The following ACTN4 variants were observed in gnomAD, a reference collection of about 807,000 sequenced individuals.
ACTN4 encodes alpha-actinin-4.
A neutral mutation model predicts 114.2 loss-of-function variants in ACTN4; 18 were observed. That is an observed-to-expected ratio of 0.16 (90% CI 0.11 to 0.23). The LOEUF (loss-of-function observed/expected upper bound fraction) is 0.23. Ranked by LOEUF, ACTN4 falls within the 10% of genes least tolerant of loss-of-function variation. ACTN4 has a pLI of 1.00. For missense variants in ACTN4, 722 were observed against 1,262.9 expected (o/e 0.57, Z 6.49); for synonymous variants, 515 against 506.3 (o/e 1.02, Z -0.23).
chr19:38,703,734 A>T (rs909870902), intron 3 of ACTN4, among the ~76,000 whole-genome samples: 2 of 152,224 alleles, frequency 1.3e-5, no homozygotes, highest in East Asian at 1.9e-4. Flanking sequence ...CCCGACCAAC[A>T]TGTGATTTCA....
At chr19:38,676,577 C>T (rs1251525585) in intron 1 of ACTN4, among the ~76,000 whole-genome samples, 1 of 152,216 alleles carries the variant, frequency 6.6e-6, no homozygotes, top group Non-Finnish European at 1.5e-5. Context: ...ATGTGTCCTT[C>T]CCTCTGGGAA....
In ACTN4 at chr19:38,731,486, T is replaced by G. The variant is rs1006852132; in HGVS notation, c.*2054T>G. ...GGACAGCGTCTGACACGTGACTCGA[T>G]GTGTGGGTACTGTTACTCCTTAAAT... On this transcript the variant is annotated 3_prime_UTR_variant, in exon 21 of 21. Transcript: ENST00000252699. 6.6e-5 allele frequency: 35 copies of G among 533,136 alleles called. 1 individual carries two copies. The Admixed American group carries it at 7.5e-4, about 11-fold the overall frequency. 33.0% of individuals were successfully genotyped at this position (533,136 alleles called of 1,614,324 possible).
chr19:38,673,456 C>CATATATATTTATATATATTT (rs1398437848), intron 1 of ACTN4, among the ~76,000 whole-genome samples: 6 of 71,746 alleles, frequency 8.4e-5, no homozygotes, highest in African/African-American at 1.9e-4. Flanking sequence ...TATATATATT[C>CATATATATTTATATATATTT]ATATATATTT....
At chr19:38,652,012 G>A (rs774569277) in intron 1 of ACTN4, among the ~76,000 whole-genome samples, 32 of 152,148 alleles carry the variant, frequency 2.1e-4, no homozygotes, top group Admixed American at 5.9e-4. Flanking sequence ...GGGATTACAG[G>A]CGTGAGCCAC....
rs527549295 is a variant in ACTN4 at position 38,719,292 on chromosome 19, C to T, written c.1291+1218C>T. On this transcript the variant is annotated intron_variant, in intron 11 of 20. Coordinates refer to ENST00000252699, the MANE Select transcript of ACTN4 (RefSeq NM_004924.6). ...AACACAGTCTCCCTGGCCCTCCGGC[C>T]GCCACTCCGCCCAGCTGAGCCCTTC... is the stretch of plus-strand genomic sequence containing the variant. Among the ~76,000 whole-genome samples the T allele has an allele frequency of 9.8e-5, 15 of 152,366 alleles. No homozygotes were observed. In the East Asian group the frequency reaches 2.7e-3, roughly 27 times the overall value.
intron 1 of ACTN4, among the ~76,000 whole-genome samples, chr19:38,666,448 C>T (rs1334713621): frequency 2.6e-5 from 4 of 152,140 alleles, no homozygotes; most frequent in Non-Finnish European, 5.9e-5. Flanking sequence ...ACCCGGTTTG[C>T]GCTTTCCTGA....
intron 12 of ACTN4, among the ~76,000 whole-genome samples, chr19:38,722,127 C>T (rs535808971): frequency 2.7e-4 from 41 of 152,334 alleles, no homozygotes; most frequent in South Asian, 8.3e-4. Context: ...GCTCAGAATA[C>T]ACTTATTGTA....
At chr19:38,704,860 C>T (rs1399961007) in intron 3 of ACTN4, 74 bp from the exon 4 acceptor site, 3 of 1,416,766 alleles carry the variant, frequency 2.1e-6, no homozygotes, top group African/African-American at 2.8e-5. Flanking sequence ...TGGAAGGCCA[C>T]CTTCAGGTTG....
At position 38,730,963 on chromosome 19, in the gene ACTN4, A is replaced by C. The variant is rs149152357; in HGVS notation, c.*1531A>C. The C allele has an allele frequency of 4.1e-5, 63 of 1,550,494 alleles. No homozygotes were observed. The highest frequency in any genetic ancestry group is 3.3e-4 in the Middle Eastern group (2 of 6,008). On this transcript the variant is annotated 3_prime_UTR_variant, in exon 21 of 21. Coordinates refer to ENST00000252699, the MANE Select transcript of ACTN4 (RefSeq NM_004924.6). Reference sequence around the variant, plus strand: ...CCACCCTGTCCCTCCCACCTGGCTCACCTGTCTGTGGGTCAGGCAGATGAC... The same window carrying C: ...CCACCCTGTCCCTCCCACCTGGCTCCCCTGTCTGTGGGTCAGGCAGATGAC...
rs1968523282 is a variant in ACTN4 at position 38,708,204 on chromosome 19, C to T, written c.651+9C>T. The T allele has an allele frequency of 1.2e-6, 2 of 1,614,014 alleles. No homozygotes were observed. The highest frequency in any genetic ancestry group is 1.7e-6 in the Non-Finnish European group (2 of 1,179,926). ...ATGACAAGCTGAGGAAGGTGAGTGT[C>T]TCCAGCTCCCCTTGATGGCCCACAG... On this transcript the variant is annotated intron_variant, in intron 6 of 20. Coordinates refer to ENST00000252699, the MANE Select transcript of ACTN4 (RefSeq NM_004924.6).
rs551835697 is a variant in ACTN4, at chr19:38,659,216, C to T, written c.162+11309C>T. On this transcript the variant is annotated intron_variant, in intron 1 of 20. Coordinates refer to ENST00000252699, the MANE Select transcript of ACTN4 (RefSeq NM_004924.6). ...GCTGGGACTACAGGCATGCATTCCACGCCCAGCTAGTTTTGGTATTTTTTA... is the reference window on the plus strand; with the variant it reads ...GCTGGGACTACAGGCATGCATTCCATGCCCAGCTAGTTTTGGTATTTTTTA... Among the ~76,000 whole-genome samples the T allele has an allele frequency of 7.2e-5, 11 of 151,918 alleles. No individual in the cohort carries two copies. In the South Asian group the frequency reaches 8.3e-4, roughly 12 times the overall value.
At chr19:38,667,584 C>A (rs893509474) in intron 1 of ACTN4, among the ~76,000 whole-genome samples, 1 of 151,712 alleles carries the variant, frequency 6.6e-6, no homozygotes, top group Admixed American at 6.6e-5. Context: ...TTGGCTGTTA[C>A]AGTATGGAAT....
intron 1 of ACTN4, among the ~76,000 whole-genome samples, chr19:38,691,341 C>A (rs1967916317): frequency 7.1e-6 from 1 of 141,744 alleles, no homozygotes; most frequent in Non-Finnish European, 1.5e-5. Context: ...GCAGAAGTTG[C>A]GTTGAGCTGA....
chr19:38,712,019 C>T (rs971776783), intron 8 of ACTN4, among the ~76,000 whole-genome samples: 6 of 152,208 alleles, frequency 3.9e-5, no homozygotes, highest in African/African-American at 1.4e-4. Flanking sequence ...GGCAGCATTC[C>T]CGATGCCTGC....
chr19:38,699,369 A>G (rs1599817893), intron 1 of ACTN4, among the ~76,000 whole-genome samples: 1 of 152,178 alleles, frequency 6.6e-6, no homozygotes, highest in African/African-American at 2.4e-5. Flanking sequence ...CATCAGAAAC[A>G]TTCTCCTTAG....
intron 1 of ACTN4, among the ~76,000 whole-genome samples, chr19:38,673,505 A>AT (rs1400113622): frequency 0.13 from 10,817 of 82,940 alleles, 1,652 homozygotes; most frequent in Non-Finnish European, 0.21. Context: ...ATTTATATAT[A>AT]TGAATATATA....
rs761625093 is a variant in ACTN4, at chr19:38,700,620, C to T, written c.183C>T (p.Asn61=). ...CCCAGACCTTCACGGCATGGTGCAA[C>T]TCCCACCTGCGGAAGGCAGGCACAC... The part of the protein sequence containing the change: ...QQRKTFTAWC[N]SHLRKAGTQI... Residue 61 remains asparagine, a synonymous_variant, in exon 2 of 21, where the codon AAC becomes AAT. Transcript: ENST00000252699. The T allele has an allele frequency of 3.8e-5, 61 of 1,614,052 alleles. No individual in the cohort carries two copies. The South Asian group carries it at 6.1e-4, about 16-fold the overall frequency.
Position 38,726,945 on chromosome 19 carries a change from G to A in ACTN4, c.2191-12G>A, listed in dbSNP as rs1440412945. 7.4e-6 allele frequency: 12 copies of A among 1,613,598 alleles called. No homozygotes were observed. Among genetic ancestry groups the A allele is most frequent in the African/African-American group, 4.0e-5 (3 of 74,920 alleles). On this transcript the variant is annotated splice_polypyrimidine_tract_variant and intron_variant, in intron 17 of 20. Transcript: ENST00000252699. ...GCACCCGGCCCACGATCACGCCCCCGTCTTTCCGCAGCACATCCGCGTGGG... is the reference window on the plus strand; with the variant it reads ...GCACCCGGCCCACGATCACGCCCCCATCTTTCCGCAGCACATCCGCGTGGG...
intron 1 of ACTN4, among the ~76,000 whole-genome samples, chr19:38,686,277 C>T (rs914852715): frequency 9.2e-5 from 14 of 152,210 alleles, no homozygotes; most frequent in African/African-American, 2.9e-4. Flanking sequence ...CTTAGGCACT[C>T]GCTAAGATTC....
Sources: gnomAD v4.1 joint callset for allele counts (sites outside exome capture counted in the v4.1 genomes callset) on GRCh38, gnomAD v4.1.1 for gene constraint, MANE v1.5 for transcripts, NCBI Gene and HGNC (gene_info 2026-07-23, HGNC 2026-07-21) for gene names.